CACNB2: variants seen among roughly 807,000 people sequenced by gnomAD.
CACNB2 encodes the protein voltage-dependent L-type calcium channel subunit beta-2.
Under a neutral mutation model 73.3 loss-of-function variants are expected in CACNB2, and 42 were observed. The ratio of observed to expected loss-of-function variants is 0.57; its 90% CI spans 0.45 to 0.74. The LOEUF is 0.74. Ranked by LOEUF, CACNB2 falls within the 30% of genes least tolerant of loss-of-function variation. The pLI, the probability that CACNB2 is intolerant of heterozygous loss-of-function variation, is 0.00. For synonymous variants in CACNB2, 348 were observed against 310.3 expected (o/e 1.12, Z -1.28); for missense variants, 940 against 853.0 (o/e 1.10, Z -1.27).
intron 2 of CACNB2, among the ~76,000 whole-genome samples, chr10:18,339,910 C>T (rs1323328979): frequency 1.3e-5 from 2 of 152,148 alleles, no homozygotes; most frequent in African/African-American, 2.4e-5. Context: ...TTGCCATCCC[C>T]TTCTTGACAT....
At position 18,514,970 on chromosome 10, in the gene CACNB2, A is replaced by G. The variant is rs549525106; in HGVS notation, c.804+601A>G. On this transcript the variant is annotated intron_variant, in intron 7 of 13. Transcript: ENST00000324631. ...TAATTTAGTCAGTATTTAAACTTCTAATCCACTAGGTGCAAAATCTGCAGA... is the reference window on the plus strand; with the variant it reads ...TAATTTAGTCAGTATTTAAACTTCTGATCCACTAGGTGCAAAATCTGCAGA... 6.2e-7 allele frequency: 1 copy of G among 1,607,718 alleles called. No homozygotes were observed. Among genetic ancestry groups the G allele is most frequent in the South Asian group, 1.1e-5 (1 of 90,920 alleles).
rs117955456 is a variant in CACNB2, at chr10:18,163,190, C to G, written c.213+12215C>G. On this transcript the variant is annotated intron_variant, in intron 2 of 13. Coordinates refer to ENST00000324631, the MANE Select transcript of CACNB2 (RefSeq NM_201596.3). ...GCATGCTGACCATGTGCTAGCTACTCTAGTGAGTACTTTATTTGATCATTT... is the reference window on the plus strand; with the variant it reads ...GCATGCTGACCATGTGCTAGCTACTGTAGTGAGTACTTTATTTGATCATTT... Among the ~76,000 whole-genome samples the G allele has an allele frequency of 2.9e-3, 444 of 152,274 alleles. 1 individual carries two copies. The highest frequency in any genetic ancestry group is 5.2e-3 in the Non-Finnish European group (351 of 68,014).
At chr10:18,411,393 A>G (rs1047518414) in intron 3 of CACNB2, among the ~76,000 whole-genome samples, 2 of 152,112 alleles carry the variant, frequency 1.3e-5, no homozygotes, top group African/African-American at 4.8e-5. Context: ...TCTAATGTTA[A>G]TTGATGATAA....
chr10:18,174,900 CTT>C (rs1348460781), intron 2 of CACNB2, among the ~76,000 whole-genome samples: 9 of 152,242 alleles, frequency 5.9e-5, no homozygotes, highest in African/African-American at 2.2e-4. Context: ...AGAATTGAAA[CTT>C]AACTTTTCAC....
At chr10:18,265,060 G>A (rs1564388523) in intron 2 of CACNB2, among the ~76,000 whole-genome samples, 1 of 151,706 alleles carries the variant, frequency 6.6e-6, no homozygotes, top group Non-Finnish European at 1.5e-5. Flanking sequence ...GTATGTCAGA[G>A]TATCCCATTA....
At chr10:18,470,895 G>A (rs1245406258) in intron 3 of CACNB2, among the ~76,000 whole-genome samples, 1 of 152,148 alleles carries the variant, frequency 6.6e-6, no homozygotes, top group African/African-American at 2.4e-5. Context: ...AGGGGAAAGG[G>A]TATGAATGTA....
At chr10:18,357,030 C>T (rs1488593950) in intron 2 of CACNB2, among the ~76,000 whole-genome samples, 3 of 145,398 alleles carry the variant, frequency 2.1e-5, no homozygotes, top group African/African-American at 5.2e-5. Context: ...CTGCAAGCTC[C>T]GCCTCCCGGG....
At chr10:18,408,926 T>C (rs1436107754) in intron 3 of CACNB2, among the ~76,000 whole-genome samples, 1 of 152,124 alleles carries the variant, frequency 6.6e-6, no homozygotes, top group East Asian at 1.9e-4. Context: ...GATTACTGCT[T>C]ACTGCATCCT....
At chr10:18,485,836 G>A (rs1260105665) in intron 3 of CACNB2, among the ~76,000 whole-genome samples, 1 of 151,444 alleles carries the variant, frequency 6.6e-6, no homozygotes, top group Non-Finnish European at 1.5e-5. Flanking sequence ...GCCCACCTCG[G>A]CCTCCCAAAG....
At chr10:18,489,956 C>T (rs1159214875) in intron 3 of CACNB2, among the ~76,000 whole-genome samples, 1 of 152,130 alleles carries the variant, frequency 6.6e-6, no homozygotes, top group Admixed American at 6.5e-5. Context: ...TGGCTCACTG[C>T]ACCCTTGACC....
intron 3 of CACNB2, among the ~76,000 whole-genome samples, chr10:18,431,670 T>G (rs2045895033): frequency 1.3e-5 from 2 of 152,190 alleles, no homozygotes; most frequent in Non-Finnish European, 2.9e-5. Context: ...GAGATGAAAT[T>G]ACAGTCCACT....
chr10:18,277,898 A>T (rs1304277119), intron 2 of CACNB2, among the ~76,000 whole-genome samples: 1 of 152,168 alleles, frequency 6.6e-6, no homozygotes, highest in Non-Finnish European at 1.5e-5. Flanking sequence ...TAAGCAGATC[A>T]TGTATGGGAA....
chr10:18,299,439 C>G (rs1008430061), intron 2 of CACNB2, among the ~76,000 whole-genome samples: 1 of 152,222 alleles, frequency 6.6e-6, no homozygotes, highest in African/African-American at 2.4e-5. Context: ...GGCTGCACCT[C>G]TGGCCTACTC....
chr10:18,440,322 T>A (rs891156406), intron 3 of CACNB2, among the ~76,000 whole-genome samples: 1 of 152,138 alleles, frequency 6.6e-6, no homozygotes, highest in African/African-American at 2.4e-5. Context: ...ACATGTTCAG[T>A]CCATAGTAAA....
Position 18,539,368 on chromosome 10 carries a change from A to AGTGG in CACNB2, c.1629_1632dup (p.Thr545TrpfsTer13), listed in dbSNP as rs2053922615. On this transcript the variant is annotated frameshift_variant, in exon 14 of 14. Transcript: ENST00000324631. LOFTEE classifies it high-confidence loss of function. ...CTCAGCCCCACACCACAACCATCGC[A>AGTGG]GTGGGACAAGTCGCGGCCTCTCCAG... 1.2e-6 allele frequency: 2 copies of AGTGG among 1,614,124 alleles called. No individual in the cohort carries two copies. Among genetic ancestry groups the AGTGG allele is most frequent in the Non-Finnish European group, 1.7e-6 (2 of 1,180,024 alleles).
chr10:18,225,662 C>T (rs1240351117), intron 2 of CACNB2, among the ~76,000 whole-genome samples: 1 of 145,022 alleles, frequency 6.9e-6, no homozygotes, highest in Non-Finnish European at 1.5e-5. Context: ...ATCTTTTTGG[C>T]AGGGTCTCCC....
chr10:18,367,723 T>TG (rs1328319152), intron 2 of CACNB2, among the ~76,000 whole-genome samples: 1 of 152,172 alleles, frequency 6.6e-6, no homozygotes, highest in Non-Finnish European at 1.5e-5. Flanking sequence ...GTTCCTTGTA[T>TG]GCAAATAAAA....
At chr10:18,479,081 C>T (rs2048585945) in intron 3 of CACNB2, among the ~76,000 whole-genome samples, 1 of 152,042 alleles carries the variant, frequency 6.6e-6, no homozygotes, top group South Asian at 2.1e-4. Flanking sequence ...GAAGACACCT[C>T]TTCAAATTTT....
chr10:18,535,380 G>C (rs1317616902), intron 11 of CACNB2, among the ~76,000 whole-genome samples: 1 of 152,122 alleles, frequency 6.6e-6, no homozygotes, highest in Non-Finnish European at 1.5e-5. Context: ...TGACATTGCA[G>C]CAGGTTGACT....
Sources: gnomAD v4.1 joint callset for allele counts (sites outside exome capture counted in the v4.1 genomes callset) on GRCh38, gnomAD v4.1.1 for gene constraint, MANE v1.5 for transcripts, NCBI Gene and HGNC (gene_info 2026-07-23, HGNC 2026-07-21) for gene names.